The following TRERF1 variants were observed in gnomAD, a reference collection of about 807,000 sequenced individuals.
TRERF1 encodes transcriptional-regulating factor 1.
In TRERF1, 27 loss-of-function variants were observed where a neutral mutation model predicts 122.9. The ratio of observed to expected loss-of-function variants is 0.22; its 90% CI spans 0.16 to 0.30. The LOEUF is 0.30. Among genes scored for constraint, TRERF1 ranks in the 10% least tolerant of loss-of-function variants. The probability of loss-of-function intolerance (pLI) is 1.00; values close to 1 mark genes in which losing one functional copy is unlikely to be tolerated. For missense variants in TRERF1, 1,248 were observed against 1,560.3 expected, an observed-to-expected ratio of 0.80 and a Z score of 3.37; for synonymous variants, 636 against 641.7, an observed-to-expected ratio of 0.99 and a Z score of 0.13.
rs1339722099 is a variant in TRERF1 at position 42,409,016 on chromosome 6, G to A, written c.-454+42161C>T. On this transcript the variant is annotated intron_variant, in intron 2 of 17. Transcript: ENST00000372922. ...TATAAATGTCTTCCAGGTCAGGCGC[G>A]GTGGCTCATGCCTGTAATCCCAACA... 3.3e-5 allele frequency among the ~76,000 whole-genome samples: 5 copies of A among 151,964 alleles called. No individual in the cohort carries two copies. The East Asian group carries it at 5.8e-4, about 18-fold the overall frequency.
rs1179865547 is a variant in TRERF1 at position 42,228,724 on chromosome 6, G to A, written c.3279-55C>T. 1.3e-6 allele frequency: 2 copies of A among 1,514,310 alleles called. No individual in the cohort carries two copies. The highest frequency in any genetic ancestry group is 8.8e-7 in the Non-Finnish European group (1 of 1,130,472). The allele number at this position is 1,514,310 out of a possible 1,614,324, so 93.8% of individuals were successfully genotyped here. ...ATTTAGAAGGAGATCTGAGTTCTTGGAAATCCAGGTGTCCTACGGGGAATG... is the reference window on the plus strand; with the variant it reads ...ATTTAGAAGGAGATCTGAGTTCTTGAAAATCCAGGTGTCCTACGGGGAATG... On this transcript the variant is annotated intron_variant, in intron 17 of 17. Transcript: ENST00000372922. The surrounding 1 kb of genome is among the most constrained non-coding windows in gnomAD (Gnocchi z 4.2).
chr6:42,268,528 G>T lies in TRERF1; in HGVS notation c.1063C>A (p.Pro355Thr), dbSNP rs1004179121. Residue 355 changes from proline (P) to threonine (T), a missense_variant, in exon 5 of 18, where the codon CCT (proline) becomes ACT (threonine). This residue lies in a region of TRERF1 where 946 missense variants were observed against 1,073.0 expected (regional missense o/e 0.88). Coordinates refer to ENST00000372922, the Ensembl canonical transcript of TRERF1. The surrounding 1 kb of genome is among the most constrained non-coding windows in gnomAD (Gnocchi z 4.4). ...GCCTGCTCTGGGGTATACTGGTGAG[G>T]GTCCCTGTGATAAGAAGGAGGCTGC... 5 of 1,613,954 alleles carry T rather than the reference G, an allele frequency of 3.1e-6. No individual in the cohort carries two copies. Among genetic ancestry groups the T allele is most frequent in the Non-Finnish European group, 4.2e-6 (5 of 1,179,994 alleles).
At chr6:42,291,720 A>AT (rs1478833362) in intron 4 of TRERF1, among the ~76,000 whole-genome samples, 4 of 148,052 alleles carry the variant, frequency 2.7e-5, no homozygotes, top group Non-Finnish European at 4.5e-5. Context: ...TTGTGTGTGT[A>AT]TTTTTTAGTA....
In TRERF1 at chr6:42,275,982, C is replaced by T. The variant is rs185767139; in HGVS notation, c.-258-6134G>A. Among the ~76,000 whole-genome samples the T allele has an allele frequency of 3.2e-3, 494 of 152,310 alleles. 4 individuals are homozygous for T. The highest frequency in any genetic ancestry group is 9.6e-3 in the African/African-American group (401 of 41,564). On this transcript the variant is annotated intron_variant, in intron 4 of 17. Coordinates refer to ENST00000372922, the Ensembl canonical transcript of TRERF1. This position sits in a 1 kb window ranked among gnomAD's most constrained non-coding sequence, Gnocchi z 4.1. ...TTGAATTTTACATAATTTTCACATG[C>T]CAAATTCTGTTCTTCTTTTGATTTT...
chr6:42,392,099 C>A (rs1307015286), intron 2 of TRERF1, among the ~76,000 whole-genome samples: 1 of 152,138 alleles, frequency 6.6e-6, no homozygotes, highest in Non-Finnish European at 1.5e-5. Flanking sequence ...GATGTGTACA[C>A]GTATACTTAT....
intron 4 of TRERF1, among the ~76,000 whole-genome samples, chr6:42,278,502 T>G (rs1221408720): frequency 6.6e-6 from 1 of 152,144 alleles, no homozygotes; most frequent in African/African-American, 2.4e-5. Flanking sequence ...TGTGGGAAAC[T>G]TACAACCACA....
At chr6:42,293,451 A>G (rs1368633163) in intron 4 of TRERF1, among the ~76,000 whole-genome samples, 1 of 152,232 alleles carries the variant, frequency 6.6e-6, no homozygotes, top group East Asian at 1.9e-4. Context: ...GAGCCTCCAC[A>G]TGGCTTGAGT....
At chr6:42,362,500 A>G (rs1017218062) in intron 3 of TRERF1, among the ~76,000 whole-genome samples, 1 of 152,238 alleles carries the variant, frequency 6.6e-6, no homozygotes, top group African/African-American at 2.4e-5. Context: ...CGGCAGAGGA[A>G]TCATAGCTGT....
chr6:42,413,663 C>T (rs879710810), intron 2 of TRERF1, among the ~76,000 whole-genome samples: 1 of 151,908 alleles, frequency 6.6e-6, no homozygotes, highest in Non-Finnish European at 1.5e-5. Context: ...CTCTTGACCT[C>T]GTGATCCGCC....
intron 2 of TRERF1, among the ~76,000 whole-genome samples, chr6:42,438,699 T>A (rs1272572989): frequency 6.6e-6 from 1 of 152,162 alleles, no homozygotes; most frequent in Non-Finnish European, 1.5e-5. Flanking sequence ...TAGATTCATA[T>A]CAGCTACTTG....
chr6:42,325,908 A>G (rs1583045703), intron 3 of TRERF1, among the ~76,000 whole-genome samples: 1 of 152,210 alleles, frequency 6.6e-6, no homozygotes, highest in South Asian at 2.1e-4. Context: ...GCTGGAGGCC[A>G]TTATCTTAAG....
chr6:42,314,034 G>A (rs777972461), intron 3 of TRERF1, among the ~76,000 whole-genome samples: 5 of 152,078 alleles, frequency 3.3e-5, no homozygotes, highest in Non-Finnish European at 5.9e-5. Flanking sequence ...AGCTGGAGGT[G>A]CGGCCCTAAA....
Position 42,268,011 on chromosome 6 carries a change from C to T in TRERF1, c.1437+143G>A, listed in dbSNP as rs897668330. ...TTCCAAGTGCTTGGCACAGACAGTG[C>T]GTGACACATGTAGGTTAATGTTTGT... On this transcript the variant is annotated intron_variant, in intron 5 of 17. Transcript: ENST00000372922. The surrounding 1 kb of genome is among the most constrained non-coding windows in gnomAD (Gnocchi z 4.4). 31 of 1,030,898 alleles carry T rather than the reference C, an allele frequency of 3.0e-5. No homozygotes were observed. The highest frequency in any genetic ancestry group is 1.8e-4 in the African/African-American group (11 of 60,590). 63.9% of individuals were successfully genotyped at this position (1,030,898 alleles called of 1,614,324 possible).
intron 2 of TRERF1, among the ~76,000 whole-genome samples, chr6:42,385,158 G>A (rs778075273): frequency 6.6e-6 from 1 of 151,974 alleles, no homozygotes; most frequent in Non-Finnish European, 1.5e-5. Context: ...TGTATTTTTA[G>A]CAGAGGCGGG....
At chr6:42,287,188 T>C (rs1324629106) in intron 4 of TRERF1, among the ~76,000 whole-genome samples, 11 of 146,298 alleles carry the variant, frequency 7.5e-5, no homozygotes, top group Non-Finnish European at 1.2e-4. Context: ...ATATACCTAA[T>C]GCTAGATGAC....
At chr6:42,401,345 C>A (rs1779360941) in intron 2 of TRERF1, among the ~76,000 whole-genome samples, 1 of 152,192 alleles carries the variant, frequency 6.6e-6, no homozygotes, top group Admixed American at 6.5e-5. Context: ...AAAAGATTCA[C>A]AACACTTCTC....
intron 3 of TRERF1, among the ~76,000 whole-genome samples, chr6:42,358,984 G>A (rs1276808798): frequency 6.6e-6 from 1 of 152,134 alleles, no homozygotes; most frequent in African/African-American, 2.4e-5. Context: ...CACTCAGGGA[G>A]TGGGGATGAA....
downstream of TRERF1, chr6:42,225,217 T>C (rs1562083423): frequency 6.6e-6 from 1 of 150,960 alleles, no homozygotes; most frequent in South Asian, 2.1e-4. Flanking sequence ...TTTCTTTTTT[T>C]TTTTTTTAAG....
intron 4 of TRERF1, among the ~76,000 whole-genome samples, chr6:42,291,959 A>C (rs1784389515): frequency 6.6e-6 from 1 of 152,222 alleles, no homozygotes; most frequent in Non-Finnish European, 1.5e-5. Flanking sequence ...GGAGTCAAAG[A>C]TTGGGGTTCA....
Sources: allele counts gnomAD v4.1 joint callset (sites outside exome capture counted in the v4.1 genomes callset), GRCh38; gene constraint gnomAD v4.1.1; regional missense constraint gnomAD v4.1.1; non-coding constraint Gnocchi (gnomAD v3.1); transcripts MANE v1.5; gene names NCBI Gene and HGNC (gene_info 2026-07-23, HGNC 2026-07-21).